The following TGIF1 variants were observed in gnomAD, a reference collection of about 807,000 sequenced individuals.
The protein encoded by TGIF1 is homeobox protein TGIF1.
In TGIF1, 4 loss-of-function variants were observed where a neutral mutation model predicts 19.3. That is an observed-to-expected ratio of 0.21 (90% CI 0.10 to 0.47). The LOEUF is 0.47. TGIF1 is among the 20% of genes least tolerant of loss of function. The pLI is 0.98. For missense variants in TGIF1, 275 were observed against 341.4 expected (o/e 0.81, Z 1.53); for synonymous variants, 122 against 129.3 (o/e 0.94, Z 0.38).
chr18:3,432,829 G>A (rs10853301), intron 2 of TGIF1, among the ~76,000 whole-genome samples: 82,403 of 151,246 alleles, frequency 0.54, 23,230 homozygotes, highest in East Asian at 0.91. Context: ...GTGTGATCTC[G>A]GCTCACCACA....
chr18:3,449,035 G>T (rs2082813464), upstream of TGIF1, among the ~76,000 whole-genome samples: 1 of 152,096 alleles, frequency 6.6e-6, no homozygotes, highest in African/African-American at 2.4e-5. Flanking sequence ...AAAACAACAG[G>T]ACGTAACCAC....
At chr18:3,448,717 C>CAT, upstream of TGIF1, 1 of 254,570 alleles carries the variant, frequency 3.9e-6, no homozygotes, top group Non-Finnish European at 5.1e-6. Context: ...GCGGGGGTGT[C>CAT]TTTTTTTTTT....
intron 2 of TGIF1, among the ~76,000 whole-genome samples, chr18:3,427,590 C>G (rs1310065303): frequency 6.6e-6 from 1 of 151,416 alleles, no homozygotes; most frequent in Non-Finnish European, 1.5e-5. Context: ...TGTGCCTGAG[C>G]CAGAATATAT....
upstream of TGIF1, chr18:3,448,139 G>A (rs954563581): frequency 2.0e-6 from 2 of 984,888 alleles, no homozygotes; most frequent in African/African-American, 3.5e-5. Context: ...AAGCGGCCGA[G>A]GCAGCCGAAG....
intron 2 of TGIF1, among the ~76,000 whole-genome samples, chr18:3,444,947 C>T (rs2082721339): frequency 6.6e-6 from 1 of 152,116 alleles, no homozygotes; most frequent in Non-Finnish European, 1.5e-5. Context: ...TTTCTATCCC[C>T]ATGGAACATC....
chr18:3,425,538 CTT>C (rs1417749739), intron 2 of TGIF1, among the ~76,000 whole-genome samples: 1 of 152,152 alleles, frequency 6.6e-6, no homozygotes, highest in Non-Finnish European at 1.5e-5. Flanking sequence ...TTTGGGACGT[CTT>C]TTCAGGCTTT....
In TGIF1 at chr18:3,457,626, C is replaced by A; in HGVS notation, c.505C>A (p.Arg169Ser). ...GTCATCCCCGGGATCAGTTTTGGCT[C>A]GTCCATCAGTGATCTGCCATACCAC... Reference protein sequence around the residue: ...KPSSPGSVLARPSVICHTTVT... With the variant: ...KPSSPGSVLASPSVICHTTVT... The change falls in exon 3 of 3, where the codon CGT (arginine) becomes AGT (serine). Residue 169 changes from arginine (R) to serine (S), a missense_variant. Coordinates refer to ENST00000343820, the MANE Select transcript of TGIF1 (RefSeq NM_003244.4). The surrounding 1 kb of genome is among the most constrained non-coding windows in gnomAD (Gnocchi z 4.9). 6.2e-7 allele frequency: 1 copy of A among 1,614,134 alleles called. No individual in the cohort carries two copies. Among genetic ancestry groups the A allele is most frequent in the Non-Finnish European group, 8.5e-7 (1 of 1,180,026 alleles).
At chr18:3,413,007 G>A (rs906507367) in intron 1 of TGIF1, 6 of 152,180 alleles carry the variant, frequency 3.9e-5, no homozygotes, top group African/African-American at 1.4e-4. Context: ...GACAAAACGA[G>A]GCTCTGTCCC....
Position 3,450,463 on chromosome 18 carries a change from G to C in TGIF1, c.-27G>C. The C allele has an allele frequency of 6.4e-7, 1 of 1,555,890 alleles. No homozygotes were observed. Among genetic ancestry groups the C allele is most frequent in the African/African-American group, 1.4e-5 (1 of 73,272 alleles). On this transcript the variant is annotated 5_prime_UTR_variant, in exon 1 of 3. Transcript: ENST00000343820. ...CCTGGCCCCTCCAGACCCCCGCCTT[G>C]CCTCGCGCTGGGAGGGGAGATCCAG...
intron 2 of TGIF1, chr18:3,418,652 A>G (rs1208898448): frequency 1.3e-5 from 2 of 152,190 alleles, no homozygotes; most frequent in Non-Finnish European, 2.9e-5. Context: ...ATGGAAACCC[A>G]GGGCCAACTG....
rs539037365 is a variant in TGIF1, at chr18:3,429,047, C to G, written c.-45+10832C>G. 4.6e-5 allele frequency among the ~76,000 whole-genome samples: 7 copies of G among 151,730 alleles called. No individual in the cohort carries two copies. The South Asian group carries it at 6.2e-4, about 14-fold the overall frequency. On this transcript the variant is annotated intron_variant, in intron 2 of 3. Coordinates refer to the TGIF1 transcript ENST00000401449. ...CAGCCTGGGTGACAGAGCCAGACTC[C>G]GTCTCCAAAAAAAAAAAATTATTTT...
intron 2 of TGIF1, among the ~76,000 whole-genome samples, chr18:3,433,808 G>A (rs567605257): frequency 2.6e-5 from 4 of 152,320 alleles, no homozygotes; most frequent in African/African-American, 7.2e-5. Flanking sequence ...GGATAGTCAT[G>A]ATGGTTGCAC....
chr18:3,451,370 C>G lies in TGIF1; in HGVS notation c.16+865C>G. On this transcript the variant is annotated intron_variant, in intron 1 of 2. Transcript: ENST00000343820. This position sits in a 1 kb window ranked among gnomAD's most constrained non-coding sequence, Gnocchi z 5.4. ...AGGGGGACGGGGGGTGGAGAAACCA[C>G]ACAAAACACCCCGAAAGGTCAGAGT... The G allele has an allele frequency of 1.0e-6, 1 of 983,570 alleles. No individual in the cohort carries two copies. The highest frequency in any genetic ancestry group is 1.8e-5 in the African/African-American group (1 of 55,786). 60.9% of individuals were successfully genotyped at this position (983,570 alleles called of 1,614,324 possible). A position where few individuals can be genotyped will look rare whatever the true frequency, so the allele number is the denominator to read the frequency against.
chr18:3,423,495 C>T (rs559605308), intron 2 of TGIF1, among the ~76,000 whole-genome samples: 12 of 151,998 alleles, frequency 7.9e-5, no homozygotes, highest in South Asian at 6.3e-4. Context: ...CTGGCTAACA[C>T]GGCGAAACCC....
At chr18:3,415,528 C>A (rs528097591) in intron 1 of TGIF1, 13 of 432,880 alleles carry the variant, frequency 3.0e-5, no homozygotes, top group South Asian at 1.5e-4. Flanking sequence ...GGTGCCAGCA[C>A]CCCCTTTAGA....
At chr18:3,414,733 AT>A (rs898999418) in intron 1 of TGIF1, among the ~76,000 whole-genome samples, 3 of 152,022 alleles carry the variant, frequency 2.0e-5, no homozygotes, top group African/African-American at 4.8e-5. Flanking sequence ...AATTTCAAGA[AT>A]TTTTTTTCAT....
intron 2 of TGIF1, chr18:3,418,983 G>A (rs928145245): frequency 3.3e-5 from 5 of 152,212 alleles, no homozygotes; most frequent in Non-Finnish European, 7.3e-5. Flanking sequence ...TCTTGAACCT[G>A]GGAGGCCAAG....
chr18:3,449,129 A>C (rs1164162353), upstream of TGIF1, among the ~76,000 whole-genome samples: 1 of 152,176 alleles, frequency 6.6e-6, no homozygotes, highest in Non-Finnish European at 1.5e-5. Flanking sequence ...CAATTTCATC[A>C]AGAAACTCCT....
intron 2 of TGIF1, among the ~76,000 whole-genome samples, chr18:3,434,134 A>C (rs1361850982): frequency 1.3e-5 from 2 of 152,242 alleles, no homozygotes; most frequent in Non-Finnish European, 2.9e-5. Context: ...TCATGCCTAT[A>C]ATCTCAGCAC....
Sources: gnomAD v4.1 joint callset for allele counts (sites outside exome capture counted in the v4.1 genomes callset) on GRCh38, gnomAD v4.1.1 for gene constraint, Gnocchi (gnomAD v3.1) non-coding constraint, MANE v1.5 for transcripts, NCBI Gene and HGNC (gene_info 2026-07-23, HGNC 2026-07-21) for gene names.